The following GRM7 variants were observed in gnomAD, a reference collection of about 807,000 sequenced individuals.
GRM7 encodes metabotropic glutamate receptor 7.
A neutral mutation model predicts 84.5 loss-of-function variants in GRM7; 35 were observed. That is an observed-to-expected ratio of 0.41 (90% CI 0.32 to 0.55). The LOEUF (loss-of-function observed/expected upper bound fraction) is 0.55, where lower values mean the gene tolerates loss of function less well. Among genes scored for constraint, GRM7 ranks in the 20% least tolerant of loss-of-function variants. The probability of loss-of-function intolerance (pLI) is 0.19; values close to 1 mark genes in which losing one functional copy is unlikely to be tolerated. For missense variants in GRM7, 1,003 were observed against 1,194.6 expected (o/e 0.84, Z 2.36); for synonymous variants, 487 against 455.1 (o/e 1.07, Z -0.89).
chr3:6,968,895 T>A (rs1032017015), intron 1 of GRM7, among the ~76,000 whole-genome samples: 2 of 152,220 alleles, frequency 1.3e-5, no homozygotes, highest in East Asian at 1.9e-4. Flanking sequence ...CCCAGGGTTG[T>A]CAGATTTTCT....
intron 1 of GRM7, among the ~76,000 whole-genome samples, chr3:6,968,900 T>C (rs17751439): frequency 0.061 from 9,236 of 152,280 alleles, 552 homozygotes; most frequent in African/African-American, 0.15. Flanking sequence ...GGTTGTCAGA[T>C]TTTCTAATTC....
intron 1 of GRM7, among the ~76,000 whole-genome samples, chr3:6,872,108 TGGGAG>T (rs1369721854): frequency 6.6e-6 from 1 of 152,122 alleles, no homozygotes; most frequent in Non-Finnish European, 1.5e-5. Flanking sequence ...CTTTTGGATT[TGGGAG>T]GTATGAAAGA....
At chr3:7,554,114 A>G (rs1266279321) in intron 7 of GRM7, among the ~76,000 whole-genome samples, 1 of 152,206 alleles carries the variant, frequency 6.6e-6, no homozygotes. Context: ...ACGTTGCTAG[A>G]TCCAGAAACA....
chr3:7,065,500 A>T (rs1697623244), intron 1 of GRM7, among the ~76,000 whole-genome samples: 1 of 151,854 alleles, frequency 6.6e-6, no homozygotes, highest in Admixed American at 6.6e-5. Flanking sequence ...AATTGGCTGT[A>T]AATATTTGGG....
intron 9 of GRM7, among the ~76,000 whole-genome samples, chr3:7,736,726 T>A (rs1418304443): frequency 6.6e-6 from 1 of 152,170 alleles, no homozygotes; most frequent in Non-Finnish European, 1.5e-5. Flanking sequence ...GAGGGGCACC[T>A]GAATCAAGAT....
chr3:7,701,531 C>T (rs954396073), intron 9 of GRM7, among the ~76,000 whole-genome samples: 1 of 152,058 alleles, frequency 6.6e-6, no homozygotes, highest in Non-Finnish European at 1.5e-5. Flanking sequence ...TCTCGATCTC[C>T]TGACCTCGTG....
intron 1 of GRM7, among the ~76,000 whole-genome samples, chr3:6,957,413 T>C (rs1223566348): frequency 1.3e-5 from 2 of 152,212 alleles, no homozygotes; most frequent in African/African-American, 4.8e-5. Context: ...CCCTGAGGGC[T>C]GCATTTGACA....
At chr3:7,390,466 A>C (rs1023094951) in intron 4 of GRM7, among the ~76,000 whole-genome samples, 12 of 152,238 alleles carry the variant, frequency 7.9e-5, no homozygotes, top group Non-Finnish European at 1.6e-4. Flanking sequence ...TTTCTCATTC[A>C]GGAATGCCAA....
intron 2 of GRM7, among the ~76,000 whole-genome samples, chr3:7,267,690 T>C (rs1698695271): frequency 1.3e-5 from 2 of 152,112 alleles, no homozygotes; most frequent in South Asian, 4.2e-4. Context: ...TGAGTAAAAT[T>C]GGGGATTTTA....
chr3:7,713,196 G>A lies in GRM7; in HGVS notation c.2699-27161G>A, dbSNP rs193168665. Among the ~76,000 whole-genome samples, 1,083 of 143,098 alleles carry A rather than the reference G, an allele frequency of 7.6e-3. 37 individuals are homozygous for A. The highest frequency in any genetic ancestry group is 0.05 in the Admixed American group (697 of 13,938). The allele number at this position is 143,098 out of a possible 152,430, so 93.9% of individuals were successfully genotyped here. A position where few individuals can be genotyped will look rare whatever the true frequency, so the allele number is the denominator to read the frequency against. ...CACCCAGGCTGGAGTGCAGTGGAGTGGTGAGATCTTGGCTCACTGCAACCT... is the reference window on the plus strand; with the variant it reads ...CACCCAGGCTGGAGTGCAGTGGAGTAGTGAGATCTTGGCTCACTGCAACCT... On this transcript the variant is annotated intron_variant, in intron 9 of 9. Transcript: ENST00000357716.
chr3:7,680,564 G>GA (rs1262477298), intron 9 of GRM7: 2 of 443,272 alleles, frequency 4.5e-6, no homozygotes, highest in East Asian at 8.7e-5. Flanking sequence ...CTCTGGTACT[G>GA]AATCCTCCAA....
intron 1 of GRM7, among the ~76,000 whole-genome samples, chr3:6,982,822 AT>A (rs1694259284): frequency 6.6e-6 from 1 of 152,062 alleles, no homozygotes; most frequent in Admixed American, 6.6e-5. Flanking sequence ...CTTATTTTTT[AT>A]TATTGTCAAA....
chr3:7,410,598 T>TACACAC (rs35513247), intron 4 of GRM7, among the ~76,000 whole-genome samples: 4,443 of 142,642 alleles, frequency 0.031, 78 homozygotes, highest in Middle Eastern at 0.06. Context: ...TATATATATA[T>TACACAC]ACACACACAC....
At chr3:7,044,548 G>A (rs1177170648) in intron 1 of GRM7, among the ~76,000 whole-genome samples, 2 of 152,042 alleles carry the variant, frequency 1.3e-5, no homozygotes, top group Non-Finnish European at 2.9e-5. Flanking sequence ...GGTTCTTTCA[G>A]AATAATAGAA....
intron 1 of GRM7, among the ~76,000 whole-genome samples, chr3:7,066,105 C>T (rs1380396129): frequency 6.6e-6 from 1 of 151,620 alleles, no homozygotes; most frequent in Non-Finnish European, 1.5e-5. Context: ...AATCTAAGGT[C>T]ACACCTCAAG....
chr3:7,112,948 C>A (rs1692911098), intron 1 of GRM7, among the ~76,000 whole-genome samples: 1 of 152,050 alleles, frequency 6.6e-6, no homozygotes, highest in Non-Finnish European at 1.5e-5. Flanking sequence ...GAGAAAGAAA[C>A]AAAACTGAGT....
chr3:7,611,884 T>A (rs1696864632), intron 8 of GRM7, among the ~76,000 whole-genome samples: 1 of 152,146 alleles, frequency 6.6e-6, no homozygotes, highest in African/African-American at 2.4e-5. Context: ...AATACAAAAA[T>A]CATACATGTT....
chr3:7,005,465 A>G (rs1361082217), intron 1 of GRM7, among the ~76,000 whole-genome samples: 2 of 152,216 alleles, frequency 1.3e-5, no homozygotes, highest in African/African-American at 4.8e-5. Context: ...AGCCTCTCAA[A>G]GTTTTCAGTA....
At chr3:7,118,878 A>C (rs1373190458) in intron 1 of GRM7, among the ~76,000 whole-genome samples, 1 of 152,126 alleles carries the variant, frequency 6.6e-6, no homozygotes, top group Non-Finnish European at 1.5e-5. Flanking sequence ...ATCTTTCCAC[A>C]TTTACACTGT....
Sources: gnomAD v4.1 joint callset for allele counts (sites outside exome capture counted in the v4.1 genomes callset) on GRCh38, gnomAD v4.1.1 for gene constraint, MANE v1.5 for transcripts, NCBI Gene and HGNC (gene_info 2026-07-23, HGNC 2026-07-21) for gene names.